The following PRIM2 variants were observed in gnomAD, a reference collection of about 807,000 sequenced individuals.
PRIM2 encodes DNA primase large subunit.
PRIM2 carries 39 observed loss-of-function variants against 67.3 expected under a neutral mutation model. The observed-to-expected ratio is 0.58, with a 90% CI of 0.45 to 0.76. The LOEUF is 0.76. PRIM2 is among the 30% of genes least tolerant of loss of function. The pLI is 0.00. For synonymous variants in PRIM2, 143 were observed against 198.7 expected, an observed-to-expected ratio of 0.72 and a Z score of 2.36; for missense variants, 398 against 598.7, an observed-to-expected ratio of 0.66 and a Z score of 3.50.
chr6:57,420,318 C>T (rs541178121), intron 7 of PRIM2, among the ~76,000 whole-genome samples: 15 of 152,148 alleles, frequency 9.9e-5, no homozygotes, highest in African/African-American at 2.4e-4. Flanking sequence ...ATGTGACCAA[C>T]GTGGTGAAAC....
chr6:57,455,862 A>T (rs1385397511), intron 7 of PRIM2, among the ~76,000 whole-genome samples: 25 of 152,202 alleles, frequency 1.6e-4, no homozygotes, highest in South Asian at 2.1e-4. Context: ...TTGTTAGTTG[A>T]TTCAGTTTCT....
At chr6:57,248,200 A>G in the PRIM2 span, among the ~76,000 whole-genome samples, 1,364 of 152,330 alleles carry the variant, frequency 9.0e-3, 22 homozygotes, top group Middle Eastern at 0.027. Context: ...CCAGCAAGTT[A>G]ACACTGGAAA....
chr6:57,278,125 G>C, the PRIM2 span, among the ~76,000 whole-genome samples: 1 of 151,948 alleles, frequency 6.6e-6, no homozygotes, highest in Admixed American at 6.6e-5. Flanking sequence ...TTGAGAGTTT[G>C]AGACCATCCT....
chr6:57,359,370 G>A (rs1362546607), intron 5 of PRIM2, among the ~76,000 whole-genome samples: 2 of 152,170 alleles, frequency 1.3e-5, no homozygotes, highest in Admixed American at 6.5e-5. Flanking sequence ...AGCCTTTTAA[G>A]CATCCCTGTC....
chr6:57,242,176 G>A, the PRIM2 span, among the ~76,000 whole-genome samples: 2 of 152,026 alleles, frequency 1.3e-5, no homozygotes, highest in African/African-American at 4.8e-5. Context: ...ACACAGCTTG[G>A]CATACAGTAA....
intron 7 of PRIM2, among the ~76,000 whole-genome samples, chr6:57,401,829 T>C (rs987981906): frequency 1.9e-4 from 29 of 152,294 alleles, no homozygotes; most frequent in Admixed American, 8.5e-4. Context: ...GTGGAACCCA[T>C]GGGAGATGGA....
At chr6:57,314,539 A>T (rs1767444344), upstream of PRIM2, among the ~76,000 whole-genome samples, 1 of 152,226 alleles carries the variant, frequency 6.6e-6, no homozygotes, top group East Asian at 1.9e-4. Context: ...AAACCAAAGA[A>T]AAAACAAAAA....
At chr6:57,543,368 C>T (rs1282105170) in intron 10 of PRIM2, among the ~76,000 whole-genome samples, 4 of 152,250 alleles carry the variant, frequency 2.6e-5, no homozygotes, top group Non-Finnish European at 1.5e-5. Context: ...TATGTCCTAA[C>T]AGTGTAAGAA....
intron 7 of PRIM2, among the ~76,000 whole-genome samples, chr6:57,415,523 CT>C (rs1291861009): frequency 1.3e-5 from 2 of 152,134 alleles, no homozygotes; most frequent in Non-Finnish European, 2.9e-5. Flanking sequence ...GAGTTGTAAT[CT>C]TTTTGCTGGT....
the PRIM2 span, among the ~76,000 whole-genome samples, chr6:57,297,707 T>C: frequency 6.6e-6 from 1 of 152,186 alleles, no homozygotes; most frequent in African/African-American, 2.4e-5. Context: ...TCCAGCACCA[T>C]ATGTCTCCTA....
chr6:57,240,091 G>GTTTTTTTTTTTTTTTTTTTTTT, the PRIM2 span, among the ~76,000 whole-genome samples: 6 of 90,016 alleles, frequency 6.7e-5, no homozygotes, highest in African/African-American at 2.6e-4. Context: ...TCAATAATCT[G>GTTTTTTTTTTTTTTTTTTTTTT]TTTTTTTTTT....
At chr6:57,238,978 CTTTTTTCT>C in the PRIM2 span, among the ~76,000 whole-genome samples, 48 of 151,842 alleles carry the variant, frequency 3.2e-4, no homozygotes, top group Non-Finnish European at 1.3e-4. Flanking sequence ...CCCTGTTTTT[CTTTTTTCT>C]TTTTTTATTT....
intron 8 of PRIM2, among the ~76,000 whole-genome samples, chr6:57,527,037 G>C (rs1774769114): frequency 6.6e-6 from 1 of 152,196 alleles, no homozygotes; most frequent in African/African-American, 2.4e-5. Context: ...TTCTCCTTTA[G>C]AACCATCTTT....
At chr6:57,455,886 G>A (rs1772756313) in intron 7 of PRIM2, among the ~76,000 whole-genome samples, 2 of 152,020 alleles carry the variant, frequency 1.3e-5, no homozygotes, top group Non-Finnish European at 2.9e-5. Flanking sequence ...TAGCCTGGAT[G>A]GTCTTTACAA....
chr6:57,452,145 G>A (rs1484480793), intron 7 of PRIM2, among the ~76,000 whole-genome samples: 4 of 151,908 alleles, frequency 2.6e-5, no homozygotes, highest in Non-Finnish European at 5.9e-5. Flanking sequence ...AGTATTCCGT[G>A]GTATATATGT....
chr6:57,556,209 C>T, intron 10 of PRIM2, among the ~76,000 whole-genome samples: 1 of 148,122 alleles, frequency 6.8e-6, no homozygotes. Flanking sequence ...ATTAAAATGG[C>T]CATTCTGCCC....
intron 10 of PRIM2, among the ~76,000 whole-genome samples, chr6:57,570,477 A>G (rs1273262078): frequency 6.6e-6 from 1 of 152,194 alleles, no homozygotes; most frequent in Non-Finnish European, 1.5e-5. Flanking sequence ...ATTTCTCTAT[A>G]TGCTGCTGGC....
chr6:57,624,472 T>C (rs1188854597), intron 12 of PRIM2, among the ~76,000 whole-genome samples: 3 of 152,250 alleles, frequency 2.0e-5, no homozygotes, highest in African/African-American at 7.2e-5. Flanking sequence ...TTAACTATTA[T>C]AAAGTATGCT....
intron 5 of PRIM2, among the ~76,000 whole-genome samples, chr6:57,341,005 A>G (rs934074598): frequency 2.4e-4 from 36 of 152,168 alleles, no homozygotes; most frequent in African/African-American, 8.7e-4. Flanking sequence ...TTATAAATTT[A>G]TATCCTGTTT....
Sources: gnomAD v4.1 joint callset for allele counts (sites outside exome capture counted in the v4.1 genomes callset) on GRCh38, gnomAD v4.1.1 for gene constraint, MANE v1.5 for transcripts, NCBI Gene and HGNC (gene_info 2026-07-23, HGNC 2026-07-21) for gene names.